The following BACE1 variants were observed in gnomAD, a reference collection of about 807,000 sequenced individuals.
BACE1 encodes APP beta-secretase.
BACE1 carries 21 observed loss-of-function variants against 54.0 expected under a neutral mutation model. That is an observed-to-expected ratio of 0.39 (90% CI 0.28 to 0.56). The LOEUF (loss-of-function observed/expected upper bound fraction) is 0.56, where lower values mean the gene tolerates loss of function less well. Ranked by LOEUF, BACE1 falls within the 20% of genes least tolerant of loss-of-function variation. BACE1 has a pLI of 0.63. For synonymous variants in BACE1, 232 were observed against 260.9 expected (o/e 0.89, Z 1.07); for missense variants, 511 against 661.2 (o/e 0.77, Z 2.49).
chr11:117,293,237 T>G lies in BACE1; in HGVS notation c.706-49A>C. The G allele has an allele frequency of 6.2e-7, 1 of 1,602,318 alleles. No individual in the cohort carries two copies. The highest frequency in any genetic ancestry group is 8.5e-7 in the Non-Finnish European group (1 of 1,174,302). On this transcript the variant is annotated intron_variant, in intron 4 of 8. Coordinates refer to ENST00000313005, the MANE Select transcript of BACE1 (RefSeq NM_012104.6). This position sits in a 1 kb window ranked among gnomAD's most constrained non-coding sequence, Gnocchi z 4.1. ...CCCGTGTCCTGGCACAGAAGGAGAG[T>G]GAGTCCCCCAAGGACCAAGCAATAA...
chr11:117,307,998 T>A (rs2034868819), intron 1 of BACE1, among the ~76,000 whole-genome samples: 1 of 149,500 alleles, frequency 6.7e-6, no homozygotes, highest in African/African-American at 2.5e-5. Flanking sequence ...AGAAGTCCAC[T>A]GTATAAAAAC....
In BACE1 at chr11:117,295,238, C is replaced by T. The variant is rs762636948; in HGVS notation, c.460G>A (p.Val154Ile). Residue 154 changes from valine (V) to isoleucine (I), a missense_variant, in exon 3 of 9, where the codon GTC becomes ATC. Transcript: ENST00000313005. ...GCAGCAATGTTGGCACGCACAGTGA[C>T]GTTGGGGCCATGGGGGATGCTTACC... The part of the protein sequence containing the change: ...DLVSIPHGPN[V>I]TVRANIAAIT... The T allele has an allele frequency of 9.3e-6, 15 of 1,614,046 alleles. No individual in the cohort carries two copies. Among genetic ancestry groups the T allele is most frequent in the East Asian group, 8.9e-5 (4 of 44,892 alleles).
In BACE1 at chr11:117,290,919, C is replaced by T. The variant is rs777834661; in HGVS notation, c.1073G>A (p.Arg358His). The part of the protein sequence containing the change: ...LMGEVTNQSF[R>H]ITILPQQYLR... Reference sequence around the variant, plus strand: ...ACATACCTGCGGAAGGATGGTGATGCGGAAGGACTGGTTGGTAACCTCACC... The same window carrying T: ...ACATACCTGCGGAAGGATGGTGATGTGGAAGGACTGGTTGGTAACCTCACC... Residue 358 changes from arginine (R) to histidine (H), a missense_variant, in exon 7 of 9, where the codon CGC becomes CAC. Physicochemically the swap from Arg to His is conservative, Grantham distance 29. Around this residue, in one of 2 missense-constraint regions of BACE1, gnomAD observed 407 missense variants for 565.7 expected, o/e 0.72. Transcript: ENST00000313005. 5 of 1,613,992 alleles carry T rather than the reference C, an allele frequency of 3.1e-6. No homozygotes were observed. The highest frequency in any genetic ancestry group is 4.2e-6 in the Non-Finnish European group (5 of 1,179,960).
rs891195387 is a variant in BACE1 at position 117,286,763 on chromosome 11, G to A, written c.*2803C>T. The A allele has an allele frequency of 4.6e-5, 7 of 152,580 alleles. No homozygotes were observed. Among genetic ancestry groups the A allele is most frequent in the Admixed American group, 3.9e-4 (6 of 15,280 alleles). 9.5% of individuals were successfully genotyped at this position (152,580 alleles called of 1,614,324 possible). A position where few individuals can be genotyped will look rare whatever the true frequency, so the allele number is the denominator to read the frequency against. On this transcript the variant is annotated 3_prime_UTR_variant, in exon 9 of 9. Coordinates refer to ENST00000313005, the MANE Select transcript of BACE1 (RefSeq NM_012104.6). ...AGCTGGACTTCCTGGGACCTCCTTG[G>A]CATCTTGTAGGGTGATTGGAGTGGC...
rs552807233 is a variant in BACE1 at position 117,289,673 on chromosome 11, C to G, written c.1399G>C (p.Ala467Pro). Residue 467 changes from alanine (A) to proline (P), a missense_variant, in exon 9 of 9, where the codon GCC becomes CCC. Physicochemically the swap from Ala to Pro is conservative, Grantham distance 27. This residue lies in a region of BACE1 where 407 missense variants were observed against 565.7 expected (regional missense o/e 0.72). Coordinates refer to ENST00000313005, the MANE Select transcript of BACE1 (RefSeq NM_012104.6). ...TIAYVMAAIC[A>P]LFMLPLCLMV... ...AGGCAGAGTGGCAGCATGAAGAGGG[C>G]GCAGATGGCAGCCATGACATAGGCT... 1 of 1,613,996 alleles carries G rather than the reference C, an allele frequency of 6.2e-7. No homozygotes were observed. Among genetic ancestry groups the G allele is most frequent in the African/African-American group, 1.3e-5 (1 of 74,898 alleles).
rs1472092789 is a variant in BACE1, at chr11:117,315,697, G to T, written c.99C>A (p.Gly33=). 6.6e-7 allele frequency: 1 copy of T among 1,511,136 alleles called. No individual in the cohort carries two copies. Among genetic ancestry groups the T allele is most frequent in the Admixed American group, 2.4e-5 (1 of 42,264 alleles). The allele number at this position is 1,511,136 out of a possible 1,614,324, so 93.6% of individuals were successfully genotyped here. A position where few individuals can be genotyped will look rare whatever the true frequency, so the allele number is the denominator to read the frequency against. ...QHGIRLPLRS[G]LGGAPLGLRL... is the part of the protein sequence containing the mutation. ...GCAGCCCCAGGGGGGCGCCCCCCAG[G>T]CCGCTGCGCAGGGGCAGCCGGATGC... The change falls in exon 1 of 9, where the codon GGC becomes GGA. Residue 33 remains glycine (G), a synonymous_variant. Coordinates refer to ENST00000313005, the MANE Select transcript of BACE1 (RefSeq NM_012104.6). This position sits in a 1 kb window ranked among gnomAD's most constrained non-coding sequence, Gnocchi z 5.5.
At chr11:117,309,836 C>T (rs919380286) in intron 1 of BACE1, among the ~76,000 whole-genome samples, 1 of 152,180 alleles carries the variant, frequency 6.6e-6, no homozygotes, top group African/African-American at 2.4e-5. Context: ...AATTTCACTC[C>T]TAACAGTTAC....
At chr11:117,314,562 G>C (rs2035032146) in intron 1 of BACE1, 1 of 152,492 alleles carries the variant, frequency 6.6e-6, no homozygotes, top group South Asian at 2.1e-4. Context: ...TGCAGGATCA[G>C]ATTCAAGGTG....
chr11:117,295,059 C>T (rs2034561735), intron 3 of BACE1, 72 bp downstream of exon 3: 3 of 1,421,590 alleles, frequency 2.1e-6, no homozygotes, highest in Non-Finnish European at 3.0e-6. Flanking sequence ...AATTCCCCTT[C>T]TCTCTCCTAA....
At chr11:117,289,923 TTCCC>T in intron 8 of BACE1, 116 bp from the exon 9 acceptor site, 7 of 895,016 alleles carry the variant, frequency 7.8e-6, no homozygotes, top group Non-Finnish European at 1.2e-5. Context: ...TCTAATCTCC[TTCCC>T]AGGAGATATT....
At chr11:117,298,383 G>T (rs906943436) in intron 1 of BACE1, among the ~76,000 whole-genome samples, 1 of 152,148 alleles carries the variant, frequency 6.6e-6, no homozygotes, top group Non-Finnish European at 1.5e-5. Context: ...TCAGAGCTAT[G>T]TGGTGTGTGT....
chr11:117,298,704 C>T (rs1211678123), intron 1 of BACE1, among the ~76,000 whole-genome samples: 4 of 152,192 alleles, frequency 2.6e-5, no homozygotes, highest in Admixed American at 2.6e-4. Flanking sequence ...CCAGGAGCCC[C>T]ATAAAATGTC....
At position 117,295,284 on chromosome 11, in the gene BACE1, T is replaced by G. The variant is rs1322741659; in HGVS notation, c.414A>C (p.Glu138Asp). The change falls in exon 3 of 9, where the codon GAA becomes GAC. Residue 138 changes from glutamate (E) to aspartate (D), a missense_variant. Glu to Asp is a conservative substitution (Grantham distance 45). This residue lies in a region of BACE1 where 407 missense variants were observed against 565.7 expected (regional missense o/e 0.72). Coordinates refer to ENST00000313005, the MANE Select transcript of BACE1 (RefSeq NM_012104.6). ...VYVPYTQGKWEGELGTDLVSI... is the reference protein window; with the variant it reads ...VYVPYTQGKWDGELGTDLVSI... Reference sequence around the variant, plus strand: ...TTACCAGGTCGGTGCCCAGCTCCCCTTCCCACTTGCCCTGGGTGTAGGGCA... The same window carrying G: ...TTACCAGGTCGGTGCCCAGCTCCCCGTCCCACTTGCCCTGGGTGTAGGGCA... 30 of 1,614,092 alleles carry G rather than the reference T, an allele frequency of 1.9e-5. No individual in the cohort carries two copies. The highest frequency in any genetic ancestry group is 2.5e-5 in the Non-Finnish European group (30 of 1,180,040).
At chr11:117,302,476 C>T (rs2034746530) in intron 1 of BACE1, among the ~76,000 whole-genome samples, 1 of 152,246 alleles carries the variant, frequency 6.6e-6, no homozygotes, top group Admixed American at 6.5e-5. Context: ...CTTCACTCTG[C>T]CTGGACCATC....
chr11:117,298,054 C>A (rs1306446660), intron 1 of BACE1, among the ~76,000 whole-genome samples: 1 of 152,156 alleles, frequency 6.6e-6, no homozygotes, highest in East Asian at 1.9e-4. Context: ...GTAATCCCAA[C>A]ACTTTGAGAG....
Position 117,309,980 on chromosome 11 carries a change from C to T in BACE1, c.261+5555G>A, listed in dbSNP as rs187320939. 4.4e-3 allele frequency among the ~76,000 whole-genome samples: 664 copies of T among 150,606 alleles called. 4 individuals carry two copies. Among genetic ancestry groups the T allele is most frequent in the Non-Finnish European group, 7.5e-3 (510 of 68,012 alleles). ...CTGGAGTGCAGTGGCGCAATCTCGG[C>T]TCACTGCAACCTCCACCTCACGGGC... is the stretch of plus-strand genomic sequence containing the variant. On this transcript the variant is annotated intron_variant, in intron 1 of 8. Coordinates refer to ENST00000313005, the MANE Select transcript of BACE1 (RefSeq NM_012104.6).
In BACE1 at chr11:117,293,249, G is replaced by A; in HGVS notation, c.706-61C>T. The A allele has an allele frequency of 6.4e-7, 1 of 1,570,714 alleles. No homozygotes were observed. The highest frequency in any genetic ancestry group is 8.7e-7 in the Non-Finnish European group (1 of 1,155,904). Reference sequence around the variant, plus strand: ...CACAGAAGGAGAGTGAGTCCCCCAAGGACCAAGCAATAAGATCAGTGATTT... The same window carrying A: ...CACAGAAGGAGAGTGAGTCCCCCAAAGACCAAGCAATAAGATCAGTGATTT... On this transcript the variant is annotated intron_variant, in intron 4 of 8. Coordinates refer to ENST00000313005, the MANE Select transcript of BACE1 (RefSeq NM_012104.6). The surrounding 1 kb of genome is among the most constrained non-coding windows in gnomAD (Gnocchi z 4.1).
intron 5 of BACE1, chr11:117,292,785 C>A: frequency 3.1e-6 from 1 of 326,016 alleles, no homozygotes; most frequent in Non-Finnish European, 5.6e-6. Context: ...TCACAAAAGA[C>A]TTGCCCAAGG....
Position 117,289,786 on chromosome 11 carries a change from G to A in BACE1, c.1286C>T (p.Ala429Val). Reference sequence around the variant, plus strand: ...GGTGACAAAAGGGCCTTCCACCGCTGCCGTCCTGAACTCATCGTGCACTGG... The same window carrying A: ...GGTGACAAAAGGGCCTTCCACCGCTACCGTCCTGAACTCATCGTGCACTGG... ...ACHVHDEFRT[A>V]AVEGPFVTLD... The change falls in exon 9 of 9, where the codon GCA (alanine) becomes GTA (valine). Residue 429 changes from alanine to valine, a missense_variant. Physicochemically the swap from Ala to Val is moderately conservative, Grantham distance 64. Around this residue, in one of 2 missense-constraint regions of BACE1, gnomAD observed 407 missense variants for 565.7 expected, o/e 0.72. Transcript: ENST00000313005. 1.2e-6 allele frequency: 2 copies of A among 1,614,208 alleles called. No individual in the cohort carries two copies. Among genetic ancestry groups the A allele is most frequent in the Non-Finnish European group, 1.7e-6 (2 of 1,180,036 alleles).
Sources: allele counts gnomAD v4.1 joint callset (sites outside exome capture counted in the v4.1 genomes callset), GRCh38; gene constraint gnomAD v4.1.1; regional missense constraint gnomAD v4.1.1; non-coding constraint Gnocchi (gnomAD v3.1); transcripts MANE v1.5; gene names NCBI Gene and HGNC (gene_info 2026-07-23, HGNC 2026-07-21).